Variants in SNX14 observed in about 807,000 individuals in gnomAD.
The protein encoded by SNX14 is sorting nexin-14.
Under a neutral mutation model 133.8 loss-of-function variants are expected in SNX14, and 93 were observed. The observed-to-expected ratio is 0.70, with a 90% CI of 0.59 to 0.83. The LOEUF (loss-of-function observed/expected upper bound fraction) is 0.83, where lower values mean the gene tolerates loss of function less well. Ranked by LOEUF, SNX14 falls within the 40% of genes least tolerant of loss-of-function variation. The pLI is 0.00. For missense variants in SNX14, 945 were observed against 1,094.9 expected, an observed-to-expected ratio of 0.86 and a Z score of 1.93; for synonymous variants, 368 against 365.6, an observed-to-expected ratio of 1.01 and a Z score of -0.07.
chr6:85,575,069 C>T, intron 1 of SNX14, among the ~76,000 whole-genome samples: 1 of 152,140 alleles, frequency 6.6e-6, no homozygotes, highest in Non-Finnish European at 1.5e-5. Context: ...GGAATTCAAA[C>T]TTGAGAGAAA....
intron 1 of SNX14, among the ~76,000 whole-genome samples, chr6:85,579,697 A>T (rs6928448): frequency 6.6e-6 from 1 of 152,182 alleles, no homozygotes; most frequent in South Asian, 2.1e-4. Flanking sequence ...TCATTTACAC[A>T]TGTCCTGGCC....
intron 27 of SNX14, 131 bp downstream of exon 27, chr6:85,507,837 C>A (rs1771273603): frequency 2.0e-6 from 1 of 496,668 alleles, no homozygotes; most frequent in Non-Finnish European, 3.3e-6. Context: ...TTTTTTCTAT[C>A]TGAATGTTTA....
intron 14 of SNX14, 139 bp from the exon 15 acceptor site, chr6:85,542,182 G>A (rs1464096216): frequency 9.4e-6 from 5 of 532,306 alleles, no homozygotes; most frequent in East Asian, 3.2e-5. Flanking sequence ...TGGTCAACTA[G>A]GGTAAGGATG....
chr6:85,538,922 T>C, intron 15 of SNX14, 58 bp from the exon 16 acceptor site: 6 of 1,398,444 alleles, frequency 4.3e-6, no homozygotes, highest in Non-Finnish European at 5.8e-6. Flanking sequence ...AGCCCAGATA[T>C]TATATAAACT....
At chr6:85,559,256 A>G (rs1278527160) in intron 6 of SNX14, among the ~76,000 whole-genome samples, 1 of 152,228 alleles carries the variant, frequency 6.6e-6, no homozygotes, top group Non-Finnish European at 1.5e-5. Flanking sequence ...CTCATTGAAA[A>G]TAACATCACT....
intron 18 of SNX14, among the ~76,000 whole-genome samples, chr6:85,533,321 C>T (rs969530580): frequency 3.9e-5 from 6 of 152,184 alleles, no homozygotes; most frequent in Non-Finnish European, 8.8e-5. Flanking sequence ...ATGATGGCAA[C>T]AAAACCATTA....
chr6:85,530,084 GT>G, intron 19 of SNX14, 107 bp downstream of exon 19: 1 of 629,238 alleles, frequency 1.6e-6, no homozygotes, highest in East Asian at 3.1e-5. Context: ...CATCAATGTT[GT>G]ATTTCTTGTA....
chr6:85,584,036 G>A (rs1799877727), intron 1 of SNX14, among the ~76,000 whole-genome samples: 1 of 152,126 alleles, frequency 6.6e-6, no homozygotes. Context: ...GCAAGGTACT[G>A]GTACCAAAAC....
chr6:85,515,270 A>G (rs1232798725), intron 23 of SNX14, among the ~76,000 whole-genome samples: 1 of 147,246 alleles, frequency 6.8e-6, no homozygotes, highest in Non-Finnish European at 1.5e-5. Flanking sequence ...GTCAAAAAAA[A>G]AAAAAAAAAA....
Position 85,543,326 on chromosome 6 carries a change from G to A in SNX14, c.1265-20C>T, listed in dbSNP as rs1304942943. ...CAGCAACTATTAAAAAAATTCTACT[G>A]TAGAAATTATTTATAAATAGCATAA... is the stretch of plus-strand genomic sequence containing the variant. On this transcript the variant is annotated intron_variant, in intron 13 of 28. Coordinates refer to ENST00000314673, the MANE Select transcript of SNX14 (RefSeq NM_153816.6). The A allele has an allele frequency of 5.8e-6, 9 of 1,540,500 alleles. No homozygotes were observed. Among genetic ancestry groups the A allele is most frequent in the Non-Finnish European group, 7.8e-6 (9 of 1,148,390 alleles).
chr6:85,507,945 T>G (rs768438766), intron 27 of SNX14, 23 bp downstream of exon 27: 1 of 1,603,672 alleles, frequency 6.2e-7, no homozygotes, highest in Non-Finnish European at 8.5e-7. Flanking sequence ...CAGCATGAGT[T>G]TACGAGCTTT....
chr6:85,556,413 T>G (rs1789802916), intron 7 of SNX14, among the ~76,000 whole-genome samples: 1 of 151,940 alleles, frequency 6.6e-6, no homozygotes, highest in African/African-American at 2.4e-5. Flanking sequence ...GAAAAAAAAT[T>G]TGTTTTTAAT....
chr6:85,551,265 G>C (rs1787738992), intron 7 of SNX14, among the ~76,000 whole-genome samples: 1 of 152,178 alleles, frequency 6.6e-6, no homozygotes, highest in African/African-American at 2.4e-5. Context: ...TTCTCAGAAA[G>C]ATGCTATGAA....
At chr6:85,591,517 T>C (rs765695841) in intron 1 of SNX14, among the ~76,000 whole-genome samples, 7 of 152,106 alleles carry the variant, frequency 4.6e-5, no homozygotes, top group Non-Finnish European at 8.8e-5. Context: ...ATAAAAGAAA[T>C]ACAGGGTACA....
At chr6:85,517,950 A>G in intron 22 of SNX14, 58 bp downstream of exon 22, 2 of 1,572,820 alleles carry the variant, frequency 1.3e-6, no homozygotes, top group Non-Finnish European at 1.7e-6. Context: ...AAATTTATCA[A>G]TATTTAAATA....
intron 1 of SNX14, among the ~76,000 whole-genome samples, chr6:85,577,525 A>G (rs936831510): frequency 6.6e-6 from 1 of 152,190 alleles, no homozygotes; most frequent in African/African-American, 2.4e-5. Context: ...AATGTTCCAC[A>G]AGCACCTAAA....
intron 20 of SNX14, among the ~76,000 whole-genome samples, chr6:85,526,884 C>A (rs954789362): frequency 5.9e-5 from 9 of 152,134 alleles, no homozygotes; most frequent in African/African-American, 2.2e-4. Flanking sequence ...GCCTAGCCAA[C>A]ATGGCAAAAC....
intron 5 of SNX14, among the ~76,000 whole-genome samples, chr6:85,566,298 C>A (rs574279628): frequency 1.3e-5 from 2 of 152,104 alleles, no homozygotes; most frequent in African/African-American, 4.8e-5. Flanking sequence ...AACACAGAAC[C>A]AAATGTAAAT....
chr6:85,526,132 T>C lies in SNX14; in HGVS notation c.2101A>G (p.Asn701Asp), dbSNP rs1361509918. Residue 701 changes from asparagine (N) to aspartate (D), a missense_variant, in exon 21 of 29, where the codon AAT becomes GAT. Coordinates refer to ENST00000314673, the MANE Select transcript of SNX14 (RefSeq NM_153816.6). ...QFLDKILPDV[N>D]LGKIIKSVPG... ...ATTCTTTAAATTGACTTACCAAGAT[T>C]TACATCTGGTAGTATCTTATCAAGA... 1 of 1,562,548 alleles carries C rather than the reference T, an allele frequency of 6.4e-7. No homozygotes were observed. Among genetic ancestry groups the C allele is most frequent in the Non-Finnish European group, 8.7e-7 (1 of 1,148,832 alleles).
Sources: allele counts gnomAD v4.1 joint callset (sites outside exome capture counted in the v4.1 genomes callset), GRCh38; gene constraint gnomAD v4.1.1; transcripts MANE v1.5; gene names NCBI Gene and HGNC (gene_info 2026-07-23, HGNC 2026-07-21).